The following ADGRL3 variants were observed in gnomAD, a reference collection of about 807,000 sequenced individuals.
ADGRL3 encodes the protein calcium-independent alpha-latrotoxin receptor 3.
ADGRL3 carries 62 observed loss-of-function variants against 153.5 expected under a neutral mutation model. The ratio of observed to expected loss-of-function variants is 0.40; its 90% CI spans 0.33 to 0.50. The LOEUF (loss-of-function observed/expected upper bound fraction) is 0.50, where lower values mean the gene tolerates loss of function less well. Ranked by LOEUF, ADGRL3 falls within the 20% of genes least tolerant of loss-of-function variation. ADGRL3 has a pLI of 0.47. For synonymous variants in ADGRL3, 710 were observed against 672.5 expected (o/e 1.06, Z -0.86); for missense variants, 1,641 against 1,859.4 (o/e 0.88, Z 2.16).
intron 1 of ADGRL3, among the ~76,000 whole-genome samples, chr4:61,343,756 GA>G (rs1201967708): frequency 9.2e-5 from 14 of 152,268 alleles, no homozygotes; most frequent in Middle Eastern, 3.4e-3. Flanking sequence ...CCTACAGGGG[GA>G]AAAATGATTT....
intron 25 of ADGRL3, among the ~76,000 whole-genome samples, chr4:62,048,510 C>T (rs1367719320): frequency 6.6e-6 from 1 of 151,998 alleles, no homozygotes; most frequent in East Asian, 1.9e-4. Flanking sequence ...ATCCACCCGC[C>T]TTGGCCTCCC....
chr4:61,820,012 T>G (rs1425071743), intron 9 of ADGRL3, among the ~76,000 whole-genome samples: 1 of 152,158 alleles, frequency 6.6e-6, no homozygotes, highest in Non-Finnish European at 1.5e-5. Flanking sequence ...GCTTGATTTA[T>G]TCGACTTTCA....
chr4:61,968,909 A>G, intron 17 of ADGRL3, among the ~76,000 whole-genome samples: 1 of 152,176 alleles, frequency 6.6e-6, no homozygotes, highest in East Asian at 1.9e-4. Flanking sequence ...CTTTTATGTC[A>G]TCTGAAGTTT....
intron 4 of ADGRL3, among the ~76,000 whole-genome samples, chr4:61,583,881 C>T (rs750529168): frequency 1.3e-4 from 20 of 151,972 alleles, no homozygotes; most frequent in Non-Finnish European, 2.5e-4. Flanking sequence ...TGCCTTCTTT[C>T]CTCCAAATTA....
At chr4:62,013,732 A>G (rs1218785172) in intron 21 of ADGRL3, among the ~76,000 whole-genome samples, 3 of 151,860 alleles carry the variant, frequency 2.0e-5, no homozygotes, top group Admixed American at 6.6e-5. Flanking sequence ...TACTAAAAAT[A>G]CAAAAATTAG....
chr4:61,546,475 T>C (rs2098714349), intron 4 of ADGRL3, among the ~76,000 whole-genome samples: 1 of 152,168 alleles, frequency 6.6e-6, no homozygotes, highest in South Asian at 2.1e-4. Flanking sequence ...TACTCCAAGA[T>C]TATTATTTCC....
chr4:61,523,129 T>C (rs573397126), intron 4 of ADGRL3, among the ~76,000 whole-genome samples: 13 of 152,192 alleles, frequency 8.5e-5, no homozygotes, highest in Non-Finnish European at 1.9e-4. Context: ...TGAGTAATCC[T>C]TCTGGCATCT....
intron 1 of ADGRL3, among the ~76,000 whole-genome samples, chr4:61,379,923 T>A (rs1303621948): frequency 6.6e-6 from 1 of 152,008 alleles, no homozygotes; most frequent in African/African-American, 2.4e-5. Flanking sequence ...GTATGTTATT[T>A]GAAAGGCTTG....
At chr4:61,909,286 C>T (rs4860444) in intron 11 of ADGRL3, among the ~76,000 whole-genome samples, 142,495 of 152,208 alleles carry the variant, frequency 0.94, 66,965 homozygotes, top group East Asian at 1. Context: ...AACCTTAGAC[C>T]TAACGACCCA....
At chr4:61,991,652 T>A (rs981634227) in intron 19 of ADGRL3, among the ~76,000 whole-genome samples, 4 of 152,024 alleles carry the variant, frequency 2.6e-5, no homozygotes, top group Non-Finnish European at 5.9e-5. Context: ...CAACCTTTTT[T>A]AAAAATTCAT....
intron 8 of ADGRL3, among the ~76,000 whole-genome samples, chr4:61,767,220 G>A (rs2096998913): frequency 6.6e-6 from 1 of 152,002 alleles, no homozygotes; most frequent in Non-Finnish European, 1.5e-5. Context: ...AGATATAGCT[G>A]TAGTCCAGGA....
intron 8 of ADGRL3, among the ~76,000 whole-genome samples, chr4:61,779,827 T>A (rs2097194252): frequency 6.6e-6 from 1 of 152,114 alleles, no homozygotes; most frequent in Admixed American, 6.5e-5. Flanking sequence ...TCCTAATGAC[T>A]AATTAGATGT....
At chr4:61,602,015 G>A (rs2099014111) in intron 5 of ADGRL3, among the ~76,000 whole-genome samples, 1 of 151,394 alleles carries the variant, frequency 6.6e-6, no homozygotes, top group African/African-American at 2.4e-5. Context: ...TTTTAACTGG[G>A]ATAAAATCTA....
intron 1 of ADGRL3, among the ~76,000 whole-genome samples, chr4:61,221,445 A>G (rs1400045853): frequency 6.6e-6 from 1 of 152,178 alleles, no homozygotes; most frequent in Non-Finnish European, 1.5e-5. Context: ...TCAACATAAG[A>G]CATCGTCTGT....
intron 4 of ADGRL3, among the ~76,000 whole-genome samples, chr4:61,527,740 T>C (rs938994026): frequency 6.6e-6 from 1 of 152,200 alleles, no homozygotes; most frequent in Non-Finnish European, 1.5e-5. Context: ...CTATGAAATG[T>C]ATTCACTTTT....
At chr4:61,722,498 C>T (rs910762283) in intron 6 of ADGRL3, among the ~76,000 whole-genome samples, 5 of 152,100 alleles carry the variant, frequency 3.3e-5, no homozygotes, top group Admixed American at 6.5e-5. Flanking sequence ...TCAACTGCCT[C>T]GGTCAACTTG....
intron 6 of ADGRL3, among the ~76,000 whole-genome samples, chr4:61,701,536 G>A (rs2095759745): frequency 7.0e-6 from 1 of 143,406 alleles, no homozygotes; most frequent in African/African-American, 2.6e-5. Flanking sequence ...CCAGTTTCAA[G>A]TGATTATCCT....
chr4:61,233,971 G>T (rs1751796841), intron 1 of ADGRL3, among the ~76,000 whole-genome samples: 3 of 151,978 alleles, frequency 2.0e-5, no homozygotes, highest in Admixed American at 2.0e-4. Context: ...GTCATTTTGT[G>T]GTCTTAGAAG....
intron 1 of ADGRL3, among the ~76,000 whole-genome samples, chr4:61,326,562 G>C (rs182921737): frequency 2.0e-3 from 300 of 148,844 alleles, no homozygotes; most frequent in Non-Finnish European, 3.4e-3. Flanking sequence ...TTTTTTTGCA[G>C]TATTATTGGT....
Sources: allele counts gnomAD v4.1 joint callset (sites outside exome capture counted in the v4.1 genomes callset), GRCh38; gene constraint gnomAD v4.1.1; transcripts MANE v1.5; gene names NCBI Gene and HGNC (gene_info 2026-07-23, HGNC 2026-07-21).